The following KSR2 variants were observed in gnomAD, a reference collection of about 807,000 sequenced individuals.
KSR2 encodes kinase suppressor of ras 2.
In KSR2, 25 loss-of-function variants were observed where a neutral mutation model predicts 107.8. The ratio of observed to expected loss-of-function variants is 0.23; its 90% CI spans 0.17 to 0.32. The LOEUF is 0.32. Ranked by LOEUF, KSR2 falls within the 10% of genes least tolerant of loss-of-function variation. The probability of loss-of-function intolerance (pLI) is 1.00; values close to 1 mark genes in which losing one functional copy is unlikely to be tolerated. For synonymous variants in KSR2, 480 were observed against 507.0 expected (o/e 0.95, Z 0.71); for missense variants, 887 against 1,268.9 (o/e 0.70, Z 4.57).
chr12:117,777,088 T>TTTTATATATATATATA (rs1396346422), intron 3 of KSR2, among the ~76,000 whole-genome samples: 2 of 132,568 alleles, frequency 1.5e-5, no homozygotes, highest in African/African-American at 6.2e-5. Context: ...TATATATATT[T>TTTTATATATATATATA]TATATATATA....
intron 1 of KSR2, among the ~76,000 whole-genome samples, chr12:117,963,768 C>A (rs892182299): frequency 1.3e-5 from 2 of 152,134 alleles, no homozygotes; most frequent in Non-Finnish European, 2.9e-5. Flanking sequence ...CTATGACAGG[C>A]TACCAGGTAC....
intron 10 of KSR2, among the ~76,000 whole-genome samples, chr12:117,537,016 G>T (rs1009523879): frequency 3.9e-5 from 6 of 152,208 alleles, no homozygotes; most frequent in Middle Eastern, 3.2e-3. Context: ...AGTTCGAGAT[G>T]AGCCTCACCA....
intron 5 of KSR2, among the ~76,000 whole-genome samples, chr12:117,640,826 C>T (rs1399236907): frequency 1.3e-5 from 2 of 152,128 alleles, no homozygotes; most frequent in African/African-American, 2.4e-5. Context: ...GAGGTTATCA[C>T]TCGAACACAT....
intron 3 of KSR2, among the ~76,000 whole-genome samples, chr12:117,815,702 C>T (rs773322429): frequency 4.3e-4 from 65 of 151,236 alleles, no homozygotes; most frequent in African/African-American, 1.5e-3. Context: ...GGGGCGCAGA[C>T]GCAGTGGCTC....
chr12:117,793,567 GCA>G (rs1890386098), intron 3 of KSR2, among the ~76,000 whole-genome samples: 1 of 137,642 alleles, frequency 7.3e-6, no homozygotes. Flanking sequence ...ACACCAACAT[GCA>G]CACACCTTTA....
At chr12:117,817,025 G>A (rs929319147) in intron 3 of KSR2, among the ~76,000 whole-genome samples, 3 of 152,074 alleles carry the variant, frequency 2.0e-5, no homozygotes, top group African/African-American at 7.2e-5. Context: ...GGAAACCAAT[G>A]GAAAGATGAA....
intron 3 of KSR2, among the ~76,000 whole-genome samples, chr12:117,776,826 C>T (rs1219279273): frequency 6.6e-6 from 1 of 151,974 alleles, no homozygotes; most frequent in African/African-American, 2.4e-5. Context: ...CTCATTCCTC[C>T]TCCTGTTTCA....
chr12:117,544,739 T>C (rs1403229074), intron 9 of KSR2, among the ~76,000 whole-genome samples: 1 of 152,242 alleles, frequency 6.6e-6, no homozygotes, highest in Non-Finnish European at 1.5e-5. Context: ...ATTTTTGTAT[T>C]TTCTTTGGGA....
intron 5 of KSR2, among the ~76,000 whole-genome samples, chr12:117,651,751 C>T (rs1048936391): frequency 4.6e-5 from 7 of 152,314 alleles, no homozygotes; most frequent in Middle Eastern, 3.4e-3. Context: ...TAGACCTACT[C>T]ATCCCAGCTG....
At chr12:117,563,373 G>T (rs1222929242) in intron 7 of KSR2, among the ~76,000 whole-genome samples, 2 of 152,150 alleles carry the variant, frequency 1.3e-5, no homozygotes, top group Non-Finnish European at 2.9e-5. Flanking sequence ...GGAAAATGGG[G>T]AAAGTATATA....
At chr12:117,614,615 A>T (rs1881774656) in intron 5 of KSR2, among the ~76,000 whole-genome samples, 1 of 152,174 alleles carries the variant, frequency 6.6e-6, no homozygotes, top group Non-Finnish European at 1.5e-5. Context: ...ATAAAAGGGG[A>T]GGCCATTGAC....
At chr12:117,753,947 CGTGTGT>C (rs34174404) in intron 4 of KSR2, among the ~76,000 whole-genome samples, 22,740 of 128,754 alleles carry the variant, frequency 0.18, 2,092 homozygotes, top group Non-Finnish European at 0.23. Context: ...AAGTATAGAG[CGTGTGT>C]GTGTGTGTGT....
intron 3 of KSR2, among the ~76,000 whole-genome samples, chr12:117,793,815 A>G (rs1368817692): frequency 2.1e-5 from 3 of 144,610 alleles, no homozygotes; most frequent in East Asian, 4.2e-4. Context: ...TGCACACACC[A>G]ACATGCACAC....
In KSR2 at chr12:117,964,259, G is replaced by A. The variant is rs562319670; in HGVS notation, c.180+3817C>T. Among the ~76,000 whole-genome samples the A allele has an allele frequency of 7.6e-4, 116 of 152,284 alleles. 1 individual carries two copies. Among genetic ancestry groups the A allele is most frequent in the Non-Finnish European group, 1.4e-3 (92 of 68,026 alleles). ...GCACTCCAGCCTGGGTGACAAGAGCGAGACTCCGTTCTATCCTCTCTTGGA... is the reference window on the plus strand; with the variant it reads ...GCACTCCAGCCTGGGTGACAAGAGCAAGACTCCGTTCTATCCTCTCTTGGA... On this transcript the variant is annotated intron_variant, in intron 1 of 19. Coordinates refer to ENST00000339824, the MANE Select transcript of KSR2 (RefSeq NM_173598.6).
At chr12:117,700,220 T>C (rs1886247639) in intron 4 of KSR2, among the ~76,000 whole-genome samples, 1 of 152,168 alleles carries the variant, frequency 6.6e-6, no homozygotes, top group Non-Finnish European at 1.5e-5. Flanking sequence ...ATGTGGCCCA[T>C]GACTGTATTG....
At chr12:117,487,593 T>A (rs1872533776) in intron 14 of KSR2, among the ~76,000 whole-genome samples, 1 of 152,034 alleles carries the variant, frequency 6.6e-6, no homozygotes, top group Non-Finnish European at 1.5e-5. Flanking sequence ...GCAGAGTCCC[T>A]CCCCTGGGTA....
Position 117,937,940 on chromosome 12 carries a change from G to C in KSR2, c.180+30136C>G, listed in dbSNP as rs547615431. Among the ~76,000 whole-genome samples the C allele has an allele frequency of 3.6e-4, 50 of 138,312 alleles. 3 individuals are homozygous for C. In the South Asian group the frequency reaches 8.8e-3, roughly 24 times the overall value. The allele number at this position is 138,312 out of a possible 152,430, so 90.7% of individuals were successfully genotyped here. On this transcript the variant is annotated intron_variant, in intron 1 of 19. Transcript: ENST00000339824. ...GCCAAGACAGTGCCACTGCACTCCA[G>C]CCTGAGCAACAAAGACAGACTCTGT...
At chr12:117,679,423 G>A (rs1019710444) in intron 4 of KSR2, among the ~76,000 whole-genome samples, 39 of 152,172 alleles carry the variant, frequency 2.6e-4, no homozygotes, top group African/African-American at 6.5e-4. Context: ...CACACCAACC[G>A]AGCACACTCT....
In KSR2 at chr12:117,547,820, G is replaced by C. The variant is rs148956690; in HGVS notation, c.1518+7349C>G. Among the ~76,000 whole-genome samples, 462 of 152,260 alleles carry C rather than the reference G, an allele frequency of 3.0e-3. 2 individuals carry two copies. Among genetic ancestry groups the C allele is most frequent in the African/African-American group, 0.011 (444 of 41,546 alleles). ...AGCTAAAAGAAGTCTCAGGCGGCCA[G>C]GTGCAGTGGCTCATGCCTGTAATCC... On this transcript the variant is annotated intron_variant, in intron 9 of 19. Coordinates refer to ENST00000339824, the MANE Select transcript of KSR2 (RefSeq NM_173598.6).
Sources: gnomAD v4.1 joint callset for allele counts (sites outside exome capture counted in the v4.1 genomes callset) on GRCh38, gnomAD v4.1.1 for gene constraint, MANE v1.5 for transcripts, NCBI Gene and HGNC (gene_info 2026-07-23, HGNC 2026-07-21) for gene names.